Variants in NLRP10 observed in about 807,000 individuals in gnomAD.
NLRP10 encodes the protein NACHT, LRR and PYD domains-containing protein 10.
In NLRP10, 7 loss-of-function variants were observed where a neutral mutation model predicts 8.2. That is an observed-to-expected ratio of 0.85 (90% CI 0.48 to 1.60). The LOEUF is 1.60. NLRP10 is among the 40% of genes most tolerant of loss of function. The pLI, the probability that NLRP10 is intolerant of heterozygous loss-of-function variation, is 0.00. For missense variants in NLRP10, 814 were observed against 776.3 expected (o/e 1.05, Z -0.58); for synonymous variants, 338 against 314.0 (o/e 1.08, Z -0.81).
Position 7,957,912 on chromosome 11 carries a change from TTTAA to T in NLRP10, c.*1728_*1731del, listed in dbSNP as rs1391631209. Among the ~76,000 whole-genome samples the T allele has an allele frequency of 6.6e-6, 1 of 152,200 alleles. No individual in the cohort carries two copies. Among genetic ancestry groups the T allele is most frequent in the Non-Finnish European group, 1.5e-5 (1 of 68,042 alleles). On this transcript the variant is annotated 3_prime_UTR_variant, in exon 3 of 3. Coordinates refer to ENST00000691676, the MANE Select transcript of NLRP10 (RefSeq NM_001391958.1). ...CTTGAACCCCTGACAACCACTGATT[TTTAA>T]TTGTCTCCATAGTTTTTCATTTTTC...
chr11:7,959,998 A>G lies in NLRP10; in HGVS notation c.1614T>C (p.Ser538=), dbSNP rs113464661. The change falls in exon 3 of 3, where the codon TCT becomes TCC. Residue 538 remains serine, a synonymous_variant. Transcript: ENST00000691676. ...GCTTCAGATCCTGCGCTAAACAGGGAGAAATTCTGAAGCAGAACTTGAGCT... is the reference window on the plus strand; with the variant it reads ...GCTTCAGATCCTGCGCTAAACAGGGGGAAATTCTGAAGCAGAACTTGAGCT... The part of the protein sequence containing the change: ...NLELKFCFRI[S]PCLAQDLKHF... 2 of 1,614,110 alleles carry G rather than the reference A, an allele frequency of 1.2e-6. No homozygotes were observed. The highest frequency in any genetic ancestry group is 1.7e-6 in the Non-Finnish European group (2 of 1,179,980).
At position 7,959,364 on chromosome 11, in the gene NLRP10, T is replaced by G; in HGVS notation, c.*280A>C. 3.1e-6 allele frequency: 1 copy of G among 318,808 alleles called. No individual in the cohort carries two copies. The highest frequency in any genetic ancestry group is 5.9e-5 in the East Asian group (1 of 16,842). 19.7% of individuals were successfully genotyped at this position (318,808 alleles called of 1,614,324 possible). The stretch of plus-strand genomic sequence containing the variant: ...GTTGGATAGCAGCACTCCTCCAACT[T>G]TGTTCTTCTTCAATATTTTATTGGC... On this transcript the variant is annotated 3_prime_UTR_variant, in exon 3 of 3. Coordinates refer to ENST00000691676, the MANE Select transcript of NLRP10 (RefSeq NM_001391958.1).
chr11:7,961,570 G>T (rs935018140), intron 2 of NLRP10, among the ~76,000 whole-genome samples: 5 of 152,206 alleles, frequency 3.3e-5, no homozygotes, highest in Admixed American at 3.3e-4. Context: ...GGATAGTTGT[G>T]CATGAATGCT....
At chr11:7,962,376 C>T (rs1255709228) in intron 2 of NLRP10, among the ~76,000 whole-genome samples, 1 of 151,840 alleles carries the variant, frequency 6.6e-6, no homozygotes, top group Non-Finnish European at 1.5e-5. Context: ...GCTGGGACCA[C>T]AGGCGCACGC....
rs1346125715 is a variant in NLRP10 at position 7,960,949 on chromosome 11, C to T, written c.663G>A (p.Gln221=). ...VVLLLESKLE[Q]LLFWCCGDNQ... ...TGTCCCCGCAGCACCAGAAAAGGAG[C>T]TGCTCCAGTTTGCTCTCCAGCAGCA... Residue 221 remains glutamine (Q), a synonymous_variant, in exon 3 of 3, where the codon CAG becomes CAA. Coordinates refer to ENST00000691676, the MANE Select transcript of NLRP10 (RefSeq NM_001391958.1). 6.2e-7 allele frequency: 1 copy of T among 1,614,204 alleles called. No homozygotes were observed.
chr11:7,959,883 T>C lies in NLRP10; in HGVS notation c.1729A>G (p.Lys577Glu), dbSNP rs1334110272. The C allele has an allele frequency of 6.2e-7, 1 of 1,613,758 alleles. No homozygotes were observed. Among genetic ancestry groups the C allele is most frequent in the South Asian group, 1.1e-5 (1 of 91,074 alleles). The change falls in exon 3 of 3, where the codon AAA (lysine) becomes GAA (glutamate). Residue 577 changes from lysine to glutamate, a missense_variant. By Grantham distance (56) the Lys-to-Glu change is moderately conservative. Coordinates refer to ENST00000691676, the MANE Select transcript of NLRP10 (RefSeq NM_001391958.1). ...LYEAKIKNLV[K>E]GIQMNNVSFK... is the part of the protein sequence containing the mutation. ...GATACATTGTTCATCTGAATACCTT[T>C]TACCAGATTCTTTATTTTAGCTTCA... is the stretch of plus-strand genomic sequence containing the variant.
chr11:7,960,932 C>T lies in NLRP10; in HGVS notation c.680G>A (p.Cys227Tyr), dbSNP rs901380969. The change falls in exon 3 of 3, where the codon TGC (cysteine) becomes TAC (tyrosine). Residue 227 changes from cysteine (C) to tyrosine (Y), a missense_variant. Physicochemically the swap from Cys to Tyr is radical, Grantham distance 194. Transcript: ENST00000691676. ...TGTGACAGGGGCTTGATTGTCCCCG[C>T]AGCACCAGAAAAGGAGCTGCTCCAG... ...SKLEQLLFWC[C>Y]GDNQAPVTEI... The T allele has an allele frequency of 1.9e-6, 3 of 1,614,180 alleles. No homozygotes were observed. Among genetic ancestry groups the T allele is most frequent in the African/African-American group, 1.3e-5 (1 of 75,036 alleles).
intron 1 of NLRP10, among the ~76,000 whole-genome samples, chr11:7,964,795 C>A (rs1375890737): frequency 7.9e-5 from 12 of 152,118 alleles, no homozygotes. Context: ...AATGTAGAAC[C>A]AAAATGTAGG....
chr11:7,964,244 G>A (rs1941782668), intron 1 of NLRP10, among the ~76,000 whole-genome samples: 1 of 152,162 alleles, frequency 6.6e-6, no homozygotes. Flanking sequence ...TTAAAAGTGA[G>A]ACTGTCCCTG....
rs1312803034 is a variant in NLRP10 at position 7,963,793 on chromosome 11, T to TCTCTCTCC, written c.-45-254_-45-253insGGAGAGAG. ...GTGTTAATCTCTCAATCTCTCTCTC[T>TCTCTCTCC]CTCCCCCAAACTCTATCTCTGTCTC... is the stretch of plus-strand genomic sequence containing the variant. On this transcript the variant is annotated intron_variant, in intron 1 of 2. Coordinates refer to ENST00000691676, the MANE Select transcript of NLRP10 (RefSeq NM_001391958.1). 228 of 456,056 alleles carry TCTCTCTCC rather than the reference T, an allele frequency of 5.0e-4. 1 individual carries two copies. In the Middle Eastern group the frequency reaches 7.8e-3, roughly 16 times the overall value. 28.3% of individuals were successfully genotyped at this position (456,056 alleles called of 1,614,324 possible). A position where few individuals can be genotyped will look rare whatever the true frequency, so the allele number is the denominator to read the frequency against.
intron 1 of NLRP10, among the ~76,000 whole-genome samples, chr11:7,964,807 C>T (rs1174358013): frequency 5.9e-5 from 9 of 152,170 alleles, no homozygotes; most frequent in African/African-American, 2.2e-4. Flanking sequence ...AAATGTAGGC[C>T]AGGTGGCAGT....
chr11:7,964,700 T>G (rs1941792485), intron 1 of NLRP10, among the ~76,000 whole-genome samples: 1 of 152,112 alleles, frequency 6.6e-6, no homozygotes, highest in Admixed American at 6.5e-5. Flanking sequence ...AACCAGAAAG[T>G]TAGGCTAAAT....
In NLRP10 at chr11:7,960,074, G is replaced by A. The variant is rs1444417217; in HGVS notation, c.1538C>T (p.Thr513Ile). Residue 513 changes from threonine (T) to isoleucine (I), a missense_variant, in exon 3 of 3, where the codon ACT becomes ATT. By Grantham distance (89) the Thr-to-Ile change is moderately conservative. Transcript: ENST00000691676. ...CGAGATGTCCAGTAAAAACTGCATA[G>A]TGAGGGTCATCTCATCATTCCCTTC... ...EQEGNDEMTL[T>I]MQFLLDISKK... 22 of 1,614,028 alleles carry A rather than the reference G, an allele frequency of 1.4e-5. No individual in the cohort carries two copies. The highest frequency in any genetic ancestry group is 3.3e-4 in the Middle Eastern group (2 of 6,084).
chr11:7,963,208 A>G lies in NLRP10; in HGVS notation c.288T>C (p.His96=), dbSNP rs1460403910. 3.7e-6 allele frequency: 6 copies of G among 1,613,800 alleles called. No individual in the cohort carries two copies. Among genetic ancestry groups the G allele is most frequent in the South Asian group, 3.3e-5 (3 of 91,052 alleles). ...CCCCTTCCCCCGCTCCACACTCACC[A>G]TGCAGACAAATATGGCTGAGCTGGT... The part of the protein sequence containing the change: ...LVDQLSHICL[H]DYREVYREHV... The change falls in exon 2 of 3, where the codon CAT becomes CAC. Residue 96 remains histidine, a splice_region_variant and synonymous_variant. Transcript: ENST00000691676.
chr11:7,963,396 C>A lies in NLRP10; in HGVS notation c.100G>T (p.Asp34Tyr), dbSNP rs201416860. The change falls in exon 2 of 3, where the codon GAT (aspartate) becomes TAT (tyrosine). Residue 34 changes from aspartate to tyrosine, a missense_variant. By Grantham distance (160) the Asp-to-Tyr change is radical (BLOSUM62 -3). Coordinates refer to ENST00000691676, the MANE Select transcript of NLRP10 (RefSeq NM_001391958.1). ...GGCTGGCCCTCAGACAGGGTCATAT[C>A]CCGTAAGTAGAACTTTAACTTCTTG... Reference protein sequence around the residue: ...DFKKLKFYLRDMTLSEGQPPL... With the variant: ...DFKKLKFYLRYMTLSEGQPPL... 3 of 1,614,178 alleles carry A rather than the reference C, an allele frequency of 1.9e-6. No individual in the cohort carries two copies. The highest frequency in any genetic ancestry group is 2.7e-5 in the African/African-American group (2 of 75,038).
chr11:7,963,554 CA>C lies in NLRP10; in HGVS notation c.-45-15del. 6.7e-7 allele frequency: 1 copy of C among 1,503,746 alleles called. No homozygotes were observed. Among genetic ancestry groups the C allele is most frequent in the South Asian group, 1.3e-5 (1 of 77,848 alleles). The allele number at this position is 1,503,746 out of a possible 1,614,324, so 93.2% of individuals were successfully genotyped here. A position where few individuals can be genotyped will look rare whatever the true frequency, so the allele number is the denominator to read the frequency against. On this transcript the variant is annotated splice_polypyrimidine_tract_variant and intron_variant, in intron 1 of 2. Coordinates refer to ENST00000691676, the MANE Select transcript of NLRP10 (RefSeq NM_001391958.1). ...AAGACCAGTGACCTGGAGAAAGAGG[CA>C]AAAGGAGAGGTCCACTGCTGAGAGG...
rs1413769072 is a variant in NLRP10, at chr11:7,958,706, C to T, written c.*938G>A. On this transcript the variant is annotated 3_prime_UTR_variant, in exon 3 of 3. Coordinates refer to ENST00000691676, the MANE Select transcript of NLRP10 (RefSeq NM_001391958.1). ...CTGGGACTACAGGTGTGCACCACCACGCCCGGCTAACTTTCGTATTTTTAG... is the reference window on the plus strand; with the variant it reads ...CTGGGACTACAGGTGTGCACCACCATGCCCGGCTAACTTTCGTATTTTTAG... 1.3e-5 allele frequency among the ~76,000 whole-genome samples: 2 copies of T among 152,080 alleles called. No individual in the cohort carries two copies. Among genetic ancestry groups the T allele is most frequent in the African/African-American group, 2.4e-5 (1 of 41,402 alleles).
In NLRP10 at chr11:7,963,738, G is replaced by A. The variant is rs1941772810; in HGVS notation, c.-45-198C>T. The A allele has an allele frequency of 7.2e-6, 4 of 556,250 alleles. No homozygotes were observed. The South Asian group carries it at 8.1e-5, about 11-fold the overall frequency. 34.5% of individuals were successfully genotyped at this position (556,250 alleles called of 1,614,324 possible). A position where few individuals can be genotyped will look rare whatever the true frequency, so the allele number is the denominator to read the frequency against. Reference sequence around the variant, plus strand: ...TCTTAGTCAGGTGACACGTGACTGTGTTGGCAAATGGGTAGGAAGGTATGT... The same window carrying A: ...TCTTAGTCAGGTGACACGTGACTGTATTGGCAAATGGGTAGGAAGGTATGT... On this transcript the variant is annotated intron_variant, in intron 1 of 2. Coordinates refer to ENST00000691676, the MANE Select transcript of NLRP10 (RefSeq NM_001391958.1).
chr11:7,961,296 C>A lies in NLRP10; in HGVS notation c.316G>T (p.Val106Leu). Reference protein sequence around the residue: ...HDYREVYREHVRCLEEWQEAG... With the variant: ...HDYREVYREHLRCLEEWQEAG... The stretch of plus-strand genomic sequence containing the variant: ...TCCTGCCATTCCTCTAGGCAGCGCA[C>A]ATGCTCTCGGTATACTTCTCTGTAA... The change falls in exon 3 of 3, where the codon GTG becomes TTG. Residue 106 changes from valine (V) to leucine (L), a missense_variant. Val to Leu is a conservative substitution (Grantham distance 32, BLOSUM62 1). Transcript: ENST00000691676. 6.3e-7 allele frequency: 1 copy of A among 1,589,182 alleles called. No homozygotes were observed. The highest frequency in any genetic ancestry group is 8.6e-7 in the Non-Finnish European group (1 of 1,165,822).
Sources: gnomAD v4.1 joint callset for allele counts (sites outside exome capture counted in the v4.1 genomes callset) on GRCh38, gnomAD v4.1.1 for gene constraint, MANE v1.5 for transcripts, NCBI Gene and HGNC (gene_info 2026-07-23, HGNC 2026-07-21) for gene names.